UGGT2: variants seen among roughly 807,000 people sequenced by gnomAD.
UGGT2 encodes UDP-glucose glycoprotein glucosyltransferase 2, also known as UDP-glucose:glycoprotein glucosyltransferase 2.
In UGGT2, 180 loss-of-function variants were observed where a neutral mutation model predicts 192.1. The ratio of observed to expected loss-of-function variants is 0.94; its 90% CI spans 0.83 to 1.06. UGGT2 has a LOEUF of 1.06. Ranked by LOEUF, UGGT2 falls within the 50% of genes least tolerant of loss-of-function variation. The pLI is 0.00. For missense variants in UGGT2, 1,849 were observed against 1,795.7 expected (o/e 1.03, Z -0.54); for synonymous variants, 580 against 591.0 (o/e 0.98, Z 0.27).
chr13:96,023,734 T>C lies in UGGT2; in HGVS notation c.267A>G (p.Leu89=). 1 of 1,602,268 alleles carries C rather than the reference T, an allele frequency of 6.2e-7. No homozygotes were observed. Among genetic ancestry groups the C allele is most frequent in the African/African-American group, 1.3e-5 (1 of 74,656 alleles). The part of the protein sequence containing the change: ...QTESDYSYYN[L]ILKKAGQFLD... ...GAAACTGTCCAGCTTTCTTCAGGAT[T>C]AAGTTGTAATAAGAATAATCTGATT... Residue 89 remains leucine, a synonymous_variant, in exon 3 of 39, where the codon TTA becomes TTG. Coordinates refer to ENST00000376747, the MANE Select transcript of UGGT2 (RefSeq NM_020121.4).
chr13:95,906,266 T>G (rs1332040097), intron 20 of UGGT2, among the ~76,000 whole-genome samples: 1 of 152,194 alleles, frequency 6.6e-6, no homozygotes, highest in Non-Finnish European at 1.5e-5. Context: ...TTGTTGCAGC[T>G]CTTAGAAATA....
At chr13:95,830,485 T>A (rs1055711139) in intron 38 of UGGT2, among the ~76,000 whole-genome samples, 1 of 152,046 alleles carries the variant, frequency 6.6e-6, no homozygotes, top group Non-Finnish European at 1.5e-5. Context: ...TGAAGACACT[T>A]CACAAAAAAC....
intron 38 of UGGT2, among the ~76,000 whole-genome samples, chr13:95,807,463 T>A (rs1348642154): frequency 1.3e-5 from 2 of 152,326 alleles, no homozygotes; most frequent in African/African-American, 4.8e-5. Context: ...TGCTTTAGTT[T>A]CAGTCTCCAT....
At chr13:95,994,844 T>C (rs1183882808) in intron 7 of UGGT2, among the ~76,000 whole-genome samples, 1 of 152,096 alleles carries the variant, frequency 6.6e-6, no homozygotes, top group Admixed American at 6.5e-5. Flanking sequence ...TGCCTTATGT[T>C]TGTTGTTTCA....
chr13:95,997,929 TGA>T (rs369288939), intron 6 of UGGT2, among the ~76,000 whole-genome samples: 11 of 152,302 alleles, frequency 7.2e-5, no homozygotes, highest in African/African-American at 2.2e-4. Flanking sequence ...TCTGAATTTT[TGA>T]GAGAGGTTAT....
At chr13:95,819,606 C>G (rs369138353) in intron 38 of UGGT2, among the ~76,000 whole-genome samples, 4 of 151,994 alleles carry the variant, frequency 2.6e-5, no homozygotes, top group Non-Finnish European at 5.9e-5. Flanking sequence ...ATGAAACATT[C>G]ATAAAAACTG....
At chr13:95,832,000 G>A (rs1886749760) in intron 38 of UGGT2, among the ~76,000 whole-genome samples, 1 of 148,338 alleles carries the variant, frequency 6.7e-6, no homozygotes, top group Non-Finnish European at 1.5e-5. Context: ...TGTGTATAAT[G>A]AACTTTTTGA....
At chr13:95,845,291 G>A (rs1366312761) in intron 36 of UGGT2, among the ~76,000 whole-genome samples, 1 of 150,158 alleles carries the variant, frequency 6.7e-6, no homozygotes, top group African/African-American at 2.4e-5. Context: ...TGTGAACAAA[G>A]GTCTCTGGTT....
At chr13:96,007,433 T>C (rs1459634933) in intron 5 of UGGT2, among the ~76,000 whole-genome samples, 1 of 152,106 alleles carries the variant, frequency 6.6e-6, no homozygotes, top group African/African-American at 2.4e-5. Flanking sequence ...TTCAACATAA[T>C]ACTAGAAGCC....
chr13:96,048,344 G>C (rs1030891664), intron 1 of UGGT2, among the ~76,000 whole-genome samples: 1 of 152,092 alleles, frequency 6.6e-6, no homozygotes, highest in Non-Finnish European at 1.5e-5. Context: ...AGTGTGTAGA[G>C]GGAAATTTAT....
At chr13:95,877,462 T>C (rs1463673528) in intron 28 of UGGT2, 98 bp from the exon 29 acceptor site, 30 of 1,077,856 alleles carry the variant, frequency 2.8e-5, no homozygotes, top group Non-Finnish European at 3.6e-5. Context: ...ATTTATTAAC[T>C]GTAGAATGAA....
intron 20 of UGGT2, among the ~76,000 whole-genome samples, chr13:95,911,493 G>C (rs1271588240): frequency 2.6e-5 from 4 of 152,138 alleles, no homozygotes; most frequent in Admixed American, 6.5e-5. Flanking sequence ...AGAAGAAATG[G>C]ATAAATTCCT....
At chr13:96,010,227 A>G (rs538250229) in intron 5 of UGGT2, among the ~76,000 whole-genome samples, 1 of 152,330 alleles carries the variant, frequency 6.6e-6, no homozygotes, top group East Asian at 1.9e-4. Flanking sequence ...AAAAACATGG[A>G]AATCAACCTG....
At chr13:95,843,379 C>T (rs1057004729) in intron 36 of UGGT2, among the ~76,000 whole-genome samples, 1 of 152,160 alleles carries the variant, frequency 6.6e-6, no homozygotes, top group Admixed American at 6.5e-5. Flanking sequence ...TGTTTAGCAT[C>T]TTTTCATGGA....
intron 38 of UGGT2, among the ~76,000 whole-genome samples, chr13:95,814,378 G>A (rs1436660162): frequency 2.0e-5 from 3 of 152,226 alleles, no homozygotes; most frequent in Non-Finnish European, 4.4e-5. Context: ...TTGGATGTGG[G>A]ACATGGAGTC....
chr13:95,901,467 T>C (rs535481951), intron 21 of UGGT2, among the ~76,000 whole-genome samples: 5 of 152,242 alleles, frequency 3.3e-5, no homozygotes, highest in East Asian at 1.9e-4. Context: ...TACATGCTCA[T>C]TGCACCTTCA....
chr13:95,965,752 AAAAAAT>A (rs2050558601), intron 12 of UGGT2, among the ~76,000 whole-genome samples: 2 of 152,142 alleles, frequency 1.3e-5, no homozygotes, highest in South Asian at 4.2e-4. Context: ...ATAATAATGA[AAAAAAT>A]AAAGAAATTA....
chr13:95,960,324 A>C (rs1199420715), intron 12 of UGGT2, among the ~76,000 whole-genome samples: 1 of 152,260 alleles, frequency 6.6e-6, no homozygotes, highest in Non-Finnish European at 1.5e-5. Flanking sequence ...GAATACTTTA[A>C]AACAATCCAA....
chr13:95,867,531 G>T, intron 29 of UGGT2, 108 bp from the exon 30 acceptor site: 1 of 742,792 alleles, frequency 1.3e-6, no homozygotes, highest in Non-Finnish European at 2.2e-6. Context: ...AATAACACTA[G>T]TGCATATATC....
Sources: allele counts gnomAD v4.1 joint callset (sites outside exome capture counted in the v4.1 genomes callset), GRCh38; gene constraint gnomAD v4.1.1; transcripts MANE v1.5; gene names NCBI Gene and HGNC (gene_info 2026-07-23, HGNC 2026-07-21).